INPP5J: variants seen among roughly 807,000 people sequenced by gnomAD.
INPP5J encodes the protein phosphatidylinositol 4,5-bisphosphate 5-phosphatase A.
Under a neutral mutation model 86.6 loss-of-function variants are expected in INPP5J, and 75 were observed. The observed-to-expected ratio is 0.87, with a 90% CI of 0.72 to 1.05. INPP5J has a LOEUF of 1.05. Among genes scored for constraint, INPP5J ranks in the 50% least tolerant of loss-of-function variants. INPP5J has a pLI of 0.00. For synonymous variants in INPP5J, 540 were observed against 550.0 expected (o/e 0.98, Z 0.25); for missense variants, 1,229 against 1,341.2 (o/e 0.92, Z 1.31).
chr22:31,123,187 C>T lies in INPP5J; in HGVS notation c.105+68C>T, dbSNP rs8137917. ...TGGTTCCACACACCCCCCCCACATA[C>T]ACTGCAGGCTCCCTGGTGCTCCTGA... On this transcript the variant is annotated intron_variant, in intron 1 of 12. Coordinates refer to ENST00000331075, the MANE Select transcript of INPP5J (RefSeq NM_001284285.2). The T allele has an allele frequency of 0.014, 13,731 of 947,980 alleles. 1,365 individuals carry two copies. The African/African-American group carries it at 0.22, about 15-fold the overall frequency. 58.7% of individuals were successfully genotyped at this position (947,980 alleles called of 1,614,324 possible).
At chr22:31,129,858 T>G (rs1341391276) in intron 9 of INPP5J, among the ~76,000 whole-genome samples, 1 of 151,948 alleles carries the variant, frequency 6.6e-6, no homozygotes, top group African/African-American at 2.4e-5. Flanking sequence ...GCCCGTGCCT[T>G]TTCTGCTAAT....
intron 2 of INPP5J, 169 bp from the exon 3 acceptor site, chr22:31,126,206 TC>T: frequency 1.3e-6 from 1 of 780,754 alleles, no homozygotes; most frequent in Non-Finnish European, 2.0e-6. Context: ...TCAGTTGATC[TC>T]CCCAGGGAGA....
chr22:31,133,153 T>G lies in INPP5J; in HGVS notation c.2249T>G (p.Val750Gly), dbSNP rs1432428490. 2 of 1,576,866 alleles carry G rather than the reference T, an allele frequency of 1.3e-6. No homozygotes were observed. The highest frequency in any genetic ancestry group is 1.7e-6 in the Non-Finnish European group (2 of 1,162,302). The change falls in exon 10 of 13, where the codon GTG becomes GGG. Residue 750 changes from valine (V) to glycine (G), a missense_variant. Transcript: ENST00000331075. ...LVRLEVADEWVRPEQAVVRYR... is the reference protein window; with the variant it reads ...LVRLEVADEWGRPEQAVVRYR... ...CGGCTGGAGGTGGCAGATGAGTGGG[T>G]GCGGCCCGAGCAGGCGGTGGTGAGG...
intron 3 of INPP5J, 27 bp downstream of exon 3, chr22:31,126,516 C>T (rs1161816506): frequency 6.2e-7 from 1 of 1,608,460 alleles, no homozygotes; most frequent in Non-Finnish European, 8.5e-7. Context: ...TGTGGACCCC[C>T]TCCTGAGCCC....
intron 9 of INPP5J, 85 bp downstream of exon 9, chr22:31,128,739 A>AC: frequency 1.8e-6 from 2 of 1,135,380 alleles, no homozygotes. Flanking sequence ...CCTTTGTATA[A>AC]CCCCTTGTAC....
In INPP5J at chr22:31,124,887, C is replaced by G; in HGVS notation, c.148C>G (p.Leu50Val). 1 of 1,613,876 alleles carries G rather than the reference C, an allele frequency of 6.2e-7. No homozygotes were observed. Among genetic ancestry groups the G allele is most frequent in the African/African-American group, 1.3e-5 (1 of 75,032 alleles). ...FQLPAKKNAA[L>V]GPSEPRLALA... The stretch of plus-strand genomic sequence containing the variant: ...GCTCCCAGCAAAGAAGAACGCAGCC[C>G]TAGGACCCTCGGAACCAAGGTTGGC... Residue 50 changes from leucine (L) to valine (V), a missense_variant, in exon 2 of 13, where the codon CTA becomes GTA. Coordinates refer to ENST00000331075, the MANE Select transcript of INPP5J (RefSeq NM_001284285.2).
intron 6 of INPP5J, 47 bp downstream of exon 6, chr22:31,127,579 T>G (rs1468142718): frequency 1.3e-6 from 2 of 1,556,492 alleles, no homozygotes; most frequent in African/African-American, 2.7e-5. Context: ...GGGCTAGTGA[T>G]GGGGGTTTTT....
rs546142570 is a variant in INPP5J at position 31,124,529 on chromosome 22, G to T, written c.106-316G>T. On this transcript the variant is annotated intron_variant, in intron 1 of 12. Coordinates refer to ENST00000331075, the MANE Select transcript of INPP5J (RefSeq NM_001284285.2). ...AGGGAAGCTGCCCCGAATGGGCAGG[G>T]TGTGGGTGCCAGCCAGGAAGGCAAG... Among the ~76,000 whole-genome samples the T allele has an allele frequency of 4.6e-5, 7 of 152,314 alleles. No individual in the cohort carries two copies. The South Asian group carries it at 6.2e-4, about 14-fold the overall frequency.
intron 9 of INPP5J, among the ~76,000 whole-genome samples, chr22:31,129,232 CTTTTTTTT>C (rs576089657): frequency 6.3e-5 from 5 of 79,122 alleles, no homozygotes; most frequent in Non-Finnish European, 9.1e-5. Flanking sequence ...GTCTGGCCAA[CTTTTTTTT>C]TTTTTTTTTT....
chr22:31,133,776 C>G (rs1305596134), intron 12 of INPP5J, 62 bp downstream of exon 12: 1 of 1,566,270 alleles, frequency 6.4e-7, no homozygotes, highest in African/African-American at 1.4e-5. Context: ...GCCACAGCCT[C>G]TACATTCTGC....
chr22:31,133,576 C>T, intron 11 of INPP5J, 34 bp from the exon 12 acceptor site: 3 of 1,597,338 alleles, frequency 1.9e-6, no homozygotes, highest in Non-Finnish European at 2.6e-6. Context: ...CCTCCCTGAC[C>T]CCCAACTTAG....
chr22:31,122,905 G>A, upstream of INPP5J: 2 of 738,914 alleles, frequency 2.7e-6, no homozygotes, highest in Non-Finnish European at 4.1e-6. Flanking sequence ...GTGGGAGCCT[G>A]TGCCTTTAAA....
chr22:31,131,495 G>A (rs552451386), intron 9 of INPP5J, among the ~76,000 whole-genome samples: 2 of 152,098 alleles, frequency 1.3e-5, no homozygotes, highest in South Asian at 2.1e-4. Flanking sequence ...CCCGGGAGGC[G>A]GAGGTTGCAG....
In INPP5J at chr22:31,133,144, A is replaced by G. The variant is rs1234720002; in HGVS notation, c.2240A>G (p.Asp747Gly). Residue 747 changes from aspartate (D) to glycine (G), a missense_variant, in exon 10 of 13, where the codon GAT (aspartate) becomes GGT (glycine). Asp to Gly is a moderately conservative substitution (Grantham distance 94). Coordinates refer to ENST00000331075, the MANE Select transcript of INPP5J (RefSeq NM_001284285.2). ...CCACTGGTGCGGCTGGAGGTGGCAG[A>G]TGAGTGGGTGCGGCCCGAGCAGGCG... is the stretch of plus-strand genomic sequence containing the variant. ...DMPLVRLEVADEWVRPEQAVV... is the reference protein window; with the variant it reads ...DMPLVRLEVAGEWVRPEQAVV... The G allele has an allele frequency of 6.3e-7, 1 of 1,574,914 alleles. No homozygotes were observed. Among genetic ancestry groups the G allele is most frequent in the South Asian group, 1.2e-5 (1 of 85,920 alleles).
At chr22:31,128,400 C>A in intron 8 of INPP5J, 71 bp from the exon 9 acceptor site, 1 of 1,577,914 alleles carries the variant, frequency 6.3e-7, no homozygotes, top group African/African-American at 1.3e-5. Flanking sequence ...GGAAGAGGGG[C>A]AGGAGGCAAG....
In INPP5J at chr22:31,122,986, G is replaced by A; in HGVS notation, c.-29G>A. 8 of 1,387,252 alleles carry A rather than the reference G, an allele frequency of 5.8e-6. No homozygotes were observed. The highest frequency in any genetic ancestry group is 7.5e-6 in the Non-Finnish European group (8 of 1,059,640). 85.9% of individuals were successfully genotyped at this position (1,387,252 alleles called of 1,614,324 possible). ...GCGGTAGAGCTGGAGCCGGAGCCAA[G>A]GGAGTCCAGGCTGCCGGGGGCTGCA... On this transcript the variant is annotated 5_prime_UTR_variant, in exon 1 of 13. Transcript: ENST00000331075.
In INPP5J at chr22:31,127,444, A is replaced by G. The variant is rs754996045; in HGVS notation, c.1699A>G (p.Lys567Glu). The change falls in exon 6 of 13, where the codon AAG (lysine) becomes GAG (glutamate). Residue 567 changes from lysine (K) to glutamate (E), a missense_variant. Physicochemically the swap from Lys to Glu is moderately conservative, Grantham distance 56. Transcript: ENST00000331075. ...CTGCCACTTGCCTGCGCATATGGAC[A>G]AGGCGGAGCAGCGCAAAGACAACTT... ...LNCHLPAHMD[K>E]AEQRKDNFQT... 6.2e-7 allele frequency: 1 copy of G among 1,613,892 alleles called. No individual in the cohort carries two copies. The highest frequency in any genetic ancestry group is 2.2e-5 in the East Asian group (1 of 44,870).
chr22:31,133,515 G>A (rs1201466428), intron 11 of INPP5J, 32 bp downstream of exon 11: 7 of 1,606,502 alleles, frequency 4.4e-6, no homozygotes, highest in Non-Finnish European at 6.0e-6. Flanking sequence ...GTCAGGGCAA[G>A]TCCTTGTTGC....
At chr22:31,129,627 T>A (rs1001404651) in intron 9 of INPP5J, among the ~76,000 whole-genome samples, 27 of 142,596 alleles carry the variant, frequency 1.9e-4, no homozygotes, top group Admixed American at 5.9e-4. Flanking sequence ...CACTGCAACC[T>A]CTACCTCCTG....
Sources: allele counts gnomAD v4.1 joint callset (sites outside exome capture counted in the v4.1 genomes callset), GRCh38; gene constraint gnomAD v4.1.1; transcripts MANE v1.5; gene names NCBI Gene and HGNC (gene_info 2026-07-23, HGNC 2026-07-21).